SORCS3: variants seen among roughly 807,000 people sequenced by gnomAD.
SORCS3 encodes the protein sortilin related VPS10 domain containing receptor 3.
SORCS3 carries 57 observed loss-of-function variants against 146.3 expected under a neutral mutation model. The ratio of observed to expected loss-of-function variants is 0.39; its 90% CI spans 0.31 to 0.49. The LOEUF (loss-of-function observed/expected upper bound fraction) is 0.49, where lower values mean the gene tolerates loss of function less well. Ranked by LOEUF, SORCS3 falls within the 20% of genes least tolerant of loss-of-function variation. SORCS3 has a pLI of 0.92. For synonymous variants in SORCS3, 653 were observed against 618.5 expected (o/e 1.06, Z -0.83); for missense variants, 1,341 against 1,575.5 (o/e 0.85, Z 2.52).
intron 3 of SORCS3, among the ~76,000 whole-genome samples, chr10:104,969,340 T>TGTGTGC (rs398014705): frequency 0.04 from 4,477 of 112,152 alleles, 99 homozygotes; most frequent in Non-Finnish European, 0.06. Flanking sequence ...TGTGTGTGTG[T>TGTGTGC]GCGCGCGCGC....
At chr10:104,838,167 G>A (rs1272854574) in intron 1 of SORCS3, among the ~76,000 whole-genome samples, 2 of 152,128 alleles carry the variant, frequency 1.3e-5, no homozygotes, top group Non-Finnish European at 2.9e-5. Context: ...TTCTCATTCT[G>A]GGGCCATCAG....
Position 105,200,183 on chromosome 10 carries a change from C to A in SORCS3, c.2127+67C>A. 3.3e-6 allele frequency: 4 copies of A among 1,201,746 alleles called. No homozygotes were observed. The South Asian group carries it at 3.9e-5, about 12-fold the overall frequency. The allele number at this position is 1,201,746 out of a possible 1,614,324, so 74.4% of individuals were successfully genotyped here. A position where few individuals can be genotyped will look rare whatever the true frequency, so the allele number is the denominator to read the frequency against. On this transcript the variant is annotated intron_variant, in intron 15 of 26. Transcript: ENST00000369701. Reference sequence around the variant, plus strand: ...GGAGCTAGTGCAAGTCCGACTGGGTCTTATCTGAGCCTTCCTATTTAGGGG... The same window carrying A: ...GGAGCTAGTGCAAGTCCGACTGGGTATTATCTGAGCCTTCCTATTTAGGGG...
At chr10:105,186,817 G>A (rs2056480161) in intron 14 of SORCS3, among the ~76,000 whole-genome samples, 2 of 149,172 alleles carry the variant, frequency 1.3e-5, no homozygotes, top group African/African-American at 5.0e-5. Flanking sequence ...CCAGGAGGCA[G>A]AAGTTGCAGT....
intron 10 of SORCS3, among the ~76,000 whole-genome samples, chr10:105,157,831 AGGCAAGAGGCTTC>A (rs2056224717): frequency 6.6e-6 from 1 of 152,154 alleles, no homozygotes; most frequent in African/African-American, 2.4e-5. Flanking sequence ...CTGTGTGAGG[AGGCAAGAGGCTTC>A]ATTAACAATA....
intron 2 of SORCS3, among the ~76,000 whole-genome samples, chr10:104,864,126 G>A (rs2018434457): frequency 6.6e-6 from 1 of 152,198 alleles, no homozygotes; most frequent in Admixed American, 6.5e-5. Context: ...TTTAGAAAGT[G>A]TGGGGTATGA....
At chr10:105,181,784 C>T (rs1338644288) in intron 14 of SORCS3, among the ~76,000 whole-genome samples, 1 of 152,118 alleles carries the variant, frequency 6.6e-6, no homozygotes, top group African/African-American at 2.4e-5. Context: ...GCTGGAGGGC[C>T]TATTGCAGTC....
At chr10:104,808,052 G>A (rs2017698517) in intron 1 of SORCS3, among the ~76,000 whole-genome samples, 1 of 152,232 alleles carries the variant, frequency 6.6e-6, no homozygotes, top group Non-Finnish European at 1.5e-5. Flanking sequence ...CAGTAAAGCT[G>A]TGGGCTGCCC....
intron 1 of SORCS3, among the ~76,000 whole-genome samples, chr10:104,657,478 G>A (rs2015645780): frequency 6.6e-6 from 1 of 152,194 alleles, no homozygotes; most frequent in Non-Finnish European, 1.5e-5. Context: ...TCATTAGCCT[G>A]CTACATACAT....
intron 22 of SORCS3, among the ~76,000 whole-genome samples, chr10:105,250,907 A>G (rs1185756975): frequency 1.3e-5 from 2 of 152,258 alleles, no homozygotes; most frequent in South Asian, 2.1e-4. Flanking sequence ...GTTAACTCCA[A>G]TCCGTAAGCC....
chr10:105,201,311 T>C (rs1158444658), intron 16 of SORCS3, 58 bp downstream of exon 16: 3 of 1,556,428 alleles, frequency 1.9e-6, no homozygotes, highest in Non-Finnish European at 2.6e-6. Context: ...GTCTGTGGGG[T>C]GGGGTGGGGT....
chr10:105,092,508 C>T (rs1482852892), intron 6 of SORCS3, among the ~76,000 whole-genome samples: 1 of 151,814 alleles, frequency 6.6e-6, no homozygotes, highest in Non-Finnish European at 1.5e-5. Context: ...CGCAAAACTG[C>T]CTTAGTCTGG....
At chr10:105,170,825 A>T (rs536223939) in intron 13 of SORCS3, among the ~76,000 whole-genome samples, 1 of 152,128 alleles carries the variant, frequency 6.6e-6, no homozygotes, top group African/African-American at 2.4e-5. Context: ...ATTATCATCA[A>T]TGTTTTCTTA....
At chr10:104,995,368 C>T (rs918147813) in intron 4 of SORCS3, among the ~76,000 whole-genome samples, 50 of 152,204 alleles carry the variant, frequency 3.3e-4, no homozygotes, top group Middle Eastern at 3.4e-3. Context: ...CCATGTTGGT[C>T]AGGCTGGTCT....
At chr10:105,081,347 A>C (rs1053395826) in intron 5 of SORCS3, among the ~76,000 whole-genome samples, 11 of 152,156 alleles carry the variant, frequency 7.2e-5, no homozygotes, top group African/African-American at 2.7e-4. Context: ...CCAAGAGCTA[A>C]GTGTGTTATG....
chr10:105,077,862 C>T (rs1413079748), intron 5 of SORCS3, among the ~76,000 whole-genome samples: 1 of 152,152 alleles, frequency 6.6e-6, no homozygotes, highest in Non-Finnish European at 1.5e-5. Context: ...ACATGGGTGT[C>T]AGTGTCTGCA....
chr10:104,992,283 A>C (rs1402062032), intron 4 of SORCS3, among the ~76,000 whole-genome samples: 4 of 152,202 alleles, frequency 2.6e-5, no homozygotes, highest in African/African-American at 9.6e-5. Context: ...GACACAAGAA[A>C]AAAGATGGTG....
At chr10:105,166,741 C>A (rs1329605701) in intron 12 of SORCS3, among the ~76,000 whole-genome samples, 2 of 152,148 alleles carry the variant, frequency 1.3e-5, no homozygotes, top group Non-Finnish European at 2.9e-5. Context: ...CTTCATCCAA[C>A]TTGCAGGGAG....
chr10:105,017,312 C>T (rs2055174215), intron 4 of SORCS3, among the ~76,000 whole-genome samples: 1 of 152,116 alleles, frequency 6.6e-6, no homozygotes, highest in Non-Finnish European at 1.5e-5. Context: ...AAGTGACTCA[C>T]AGGACTCCAA....
intron 11 of SORCS3, among the ~76,000 whole-genome samples, chr10:105,160,355 A>C (rs2056251763): frequency 6.6e-6 from 1 of 152,178 alleles, no homozygotes; most frequent in Non-Finnish European, 1.5e-5. Context: ...GGCCAGGCGC[A>C]GTGGTTCATG....
Sources: gnomAD v4.1 joint callset for allele counts (sites outside exome capture counted in the v4.1 genomes callset) on GRCh38, gnomAD v4.1.1 for gene constraint, MANE v1.5 for transcripts, NCBI Gene and HGNC (gene_info 2026-07-23, HGNC 2026-07-21) for gene names.